ABHD2: variants seen among roughly 807,000 people sequenced by gnomAD.
The protein encoded by ABHD2 is abhydrolase domain containing 2, acylglycerol lipase.
Under a neutral mutation model 48.1 loss-of-function variants are expected in ABHD2, and 20 were observed. That is an observed-to-expected ratio of 0.42 (90% CI 0.29 to 0.60). The LOEUF is 0.60. ABHD2 is among the 20% of genes least tolerant of loss of function. ABHD2 has a pLI of 0.24. For synonymous variants in ABHD2, 209 were observed against 214.2 expected (o/e 0.98, Z 0.21); for missense variants, 405 against 550.9 (o/e 0.74, Z 2.65).
At position 89,173,855 on chromosome 15, in the gene ABHD2, G is replaced by A. The variant is rs994974981; in HGVS notation, c.539-1957G>A. Among the ~76,000 whole-genome samples the A allele has an allele frequency of 2.0e-5, 3 of 152,204 alleles. No individual in the cohort carries two copies. Among genetic ancestry groups the A allele is most frequent in the African/African-American group, 7.2e-5 (3 of 41,444 alleles). On this transcript the variant is annotated intron_variant, in intron 5 of 10. Transcript: ENST00000352732. This position sits in a 1 kb window ranked among gnomAD's most constrained non-coding sequence, Gnocchi z 6.5. ...ATCTCACTGGAGAGGGAGACGGGCT[G>A]CCTTCTCAAAGTTGGTGCCTGGGTC... is the stretch of plus-strand genomic sequence containing the variant.
the ABHD2 span, among the ~76,000 whole-genome samples, chr15:89,057,577 A>G: frequency 6.6e-6 from 1 of 152,102 alleles, no homozygotes; most frequent in African/African-American, 2.4e-5. Flanking sequence ...CTTCTTGTTT[A>G]GCCATGGTCG....
chr15:89,084,018 G>A (rs1567060300), upstream of ABHD2, among the ~76,000 whole-genome samples: 1 of 152,066 alleles, frequency 6.6e-6, no homozygotes, highest in Non-Finnish European at 1.5e-5. This position sits in a 1 kb window ranked among gnomAD's most constrained non-coding sequence, Gnocchi z 4.4. Flanking sequence ...CATGACTGCA[G>A]GAATACTTTA....
intron 4 of ABHD2, among the ~76,000 whole-genome samples, chr15:89,152,750 T>G (rs140169692): frequency 6.6e-6 from 1 of 152,182 alleles, no homozygotes; most frequent in Admixed American, 6.5e-5. Context: ...TTCTGAGAGA[T>G]AACTGAAATT....
intron 3 of ABHD2, among the ~76,000 whole-genome samples, chr15:89,124,604 G>A (rs2050103551): frequency 6.6e-6 from 1 of 152,092 alleles, no homozygotes. Context: ...CTTTTCACAG[G>A]ATAAATTCCT....
intron 1 of ABHD2, among the ~76,000 whole-genome samples, chr15:89,089,228 C>T (rs1271725264): frequency 6.6e-6 from 1 of 152,250 alleles, no homozygotes; most frequent in African/African-American, 2.4e-5. Context: ...TGACAGCCAC[C>T]TGTGTCGGAT....
At position 89,175,722 on chromosome 15, in the gene ABHD2, C is replaced by A; in HGVS notation, c.539-90C>A. 1 of 1,367,758 alleles carries A rather than the reference C, an allele frequency of 7.3e-7. No homozygotes were observed. The highest frequency in any genetic ancestry group is 1.0e-6 in the Non-Finnish European group (1 of 963,878). 84.7% of individuals were successfully genotyped at this position (1,367,758 alleles called of 1,614,324 possible). ...ATATATTTCTCTCTCTTTTAGTATA[C>A]TGGCACCCATTTAGTAACGTTCCAG... On this transcript the variant is annotated intron_variant, in intron 5 of 10. Coordinates refer to ENST00000352732, the MANE Select transcript of ABHD2 (RefSeq NM_152924.5). The surrounding 1 kb of genome is among the most constrained non-coding windows in gnomAD (Gnocchi z 5.7).
chr15:89,151,775 G>A lies in ABHD2; in HGVS notation c.293G>A (p.Arg98Gln), dbSNP rs1348974124. Residue 98 changes from arginine (R) to glutamine (Q), a missense_variant, in exon 4 of 11, where the codon CGG (arginine) becomes CAG (glutamine). Coordinates refer to ENST00000352732, the MANE Select transcript of ABHD2 (RefSeq NM_152924.5). This position sits in a 1 kb window ranked among gnomAD's most constrained non-coding sequence, Gnocchi z 4.7. ...RVRSPHPYGH[R>Q]KFITMSDGAT... ...AGGTCGCCACATCCTTATGGGCACC[G>A]GAAGTTCATCACTATGTCTGATGGA... The A allele has an allele frequency of 1.1e-5, 18 of 1,614,090 alleles. No individual in the cohort carries two copies. Among genetic ancestry groups the A allele is most frequent in the Non-Finnish European group, 1.4e-5 (17 of 1,180,044 alleles).
rs572413154 is a variant in ABHD2 at position 89,182,940 on chromosome 15, T to G, written c.723-2484T>G. The stretch of plus-strand genomic sequence containing the variant: ...GTAGCCACTACCAGCTCCAATAACA[T>G]GAATTCATACCCCCATCTTGTTTCC... On this transcript the variant is annotated intron_variant, in intron 6 of 10. Coordinates refer to ENST00000352732, the MANE Select transcript of ABHD2 (RefSeq NM_152924.5). The surrounding 1 kb of genome is among the most constrained non-coding windows in gnomAD (Gnocchi z 4.8). 6.6e-6 allele frequency among the ~76,000 whole-genome samples: 1 copy of G among 152,290 alleles called. No individual in the cohort carries two copies. The highest frequency in any genetic ancestry group is 1.9e-4 in the East Asian group (1 of 5,174).
Position 89,100,608 on chromosome 15 carries a change from G to A in ABHD2, c.-107+12045G>A, listed in dbSNP as rs1473755915. On this transcript the variant is annotated intron_variant, in intron 1 of 10. Coordinates refer to ENST00000352732, the MANE Select transcript of ABHD2 (RefSeq NM_152924.5). The surrounding 1 kb of genome is among the most constrained non-coding windows in gnomAD (Gnocchi z 4.4). ...TTATTGGCCAGGCAAAGTGGCTCACGCCTGTAATCCCAGCACTTTCGGAGG... is the reference window on the plus strand; with the variant it reads ...TTATTGGCCAGGCAAAGTGGCTCACACCTGTAATCCCAGCACTTTCGGAGG... 5.3e-5 allele frequency among the ~76,000 whole-genome samples: 8 copies of A among 152,104 alleles called. No homozygotes were observed. Among genetic ancestry groups the A allele is most frequent in the African/African-American group, 1.9e-4 (8 of 41,402 alleles).
At chr15:89,075,036 A>G in the ABHD2 span, among the ~76,000 whole-genome samples, 1 of 152,166 alleles carries the variant, frequency 6.6e-6, no homozygotes, top group Non-Finnish European at 1.5e-5. The surrounding 1 kb of genome is among the most constrained non-coding windows in gnomAD (Gnocchi z 4.1). Context: ...AAAGTGTTTG[A>G]ATGGCCAAAC....
chr15:89,102,199 C>T lies in ABHD2; in HGVS notation c.-106-11526C>T, dbSNP rs2049712093. Among the ~76,000 whole-genome samples, 1 of 152,232 alleles carries T rather than the reference C, an allele frequency of 6.6e-6. No individual in the cohort carries two copies. The highest frequency in any genetic ancestry group is 6.5e-5 in the Admixed American group (1 of 15,276). On this transcript the variant is annotated intron_variant, in intron 1 of 10. Transcript: ENST00000352732. This position sits in a 1 kb window ranked among gnomAD's most constrained non-coding sequence, Gnocchi z 4.8. ...TGCATCCACCCCTCCTTCTCACCTT[C>T]TCTTCTATTCCATCTCTTCCAGTGG...
At position 89,201,075 on chromosome 15, in the gene ABHD2, T is replaced by C; in HGVS notation, c.*5652T>C. The C allele has an allele frequency of 2.4e-6, 2 of 846,340 alleles. No homozygotes were observed. The highest frequency in any genetic ancestry group is 4.0e-6 in the Non-Finnish European group (2 of 493,976). 52.4% of individuals were successfully genotyped at this position (846,340 alleles called of 1,614,324 possible). A position where few individuals can be genotyped will look rare whatever the true frequency, so the allele number is the denominator to read the frequency against. ...CCAGCCTGGGCAACAAGAGTGAGAC[T>C]CCGTCTCCAAAAAAAGAAAAGGAAT... On this transcript the variant is annotated 3_prime_UTR_variant, in exon 11 of 11. Transcript: ENST00000352732.
At chr15:89,139,018 C>G (rs1567086098) in intron 3 of ABHD2, among the ~76,000 whole-genome samples, 10 of 152,036 alleles carry the variant, frequency 6.6e-5, no homozygotes, top group African/African-American at 1.9e-4. Flanking sequence ...GAGATCAAGA[C>G]CAGCCCTGGC....
chr15:89,135,541 A>G (rs1290320497), intron 3 of ABHD2: 7 of 1,394,926 alleles, frequency 5.0e-6, no homozygotes, highest in East Asian at 2.3e-5. Context: ...ACTAGAACCA[A>G]CTTATTCATC....
In ABHD2 at chr15:89,179,781, AATCTCCTTAAAGGCACAT is replaced by A. The variant is rs1219438341; in HGVS notation, c.722+3787_722+3804del. Among the ~76,000 whole-genome samples, 16 of 152,176 alleles carry A rather than the reference AATCTCCTTAAAGGCACAT, an allele frequency of 1.1e-4. No homozygotes were observed. Among genetic ancestry groups the A allele is most frequent in the Non-Finnish European group, 1.6e-4 (11 of 68,028 alleles). ...GGGGAATTATCAGAGGAGTGTTTCA[AATCTCCTTAAAGGCACAT>A]TATACTCCGGGCTAAGTGGATGTGT... On this transcript the variant is annotated intron_variant, in intron 6 of 10. Transcript: ENST00000352732. This position sits in a 1 kb window ranked among gnomAD's most constrained non-coding sequence, Gnocchi z 4.3.
In ABHD2 at chr15:89,146,352, G is replaced by T. The variant is rs4932475; in HGVS notation, c.195-5325G>T. Among the ~76,000 whole-genome samples, 15,150 of 116,646 alleles carry T rather than the reference G, an allele frequency of 0.13. 882 individuals carry two copies. The highest frequency in any genetic ancestry group is 0.22 in the South Asian group (802 of 3,602). 76.5% of individuals were successfully genotyped at this position (116,646 alleles called of 152,430 possible). On this transcript the variant is annotated intron_variant, in intron 3 of 10. Coordinates refer to ENST00000352732, the MANE Select transcript of ABHD2 (RefSeq NM_152924.5). This position sits in a 1 kb window ranked among gnomAD's most constrained non-coding sequence, Gnocchi z 4.2. The stretch of plus-strand genomic sequence containing the variant: ...ATGTGAGCTTCATCTGCTCAAAGAC[G>T]TACGTGTGTGTGTGTGTGTGTGTGT...
In ABHD2 at chr15:89,139,517, A is replaced by C. The variant is rs75057621; in HGVS notation, c.195-12160A>C. 2.4e-4 allele frequency among the ~76,000 whole-genome samples: 37 copies of C among 152,292 alleles called. No individual in the cohort carries two copies. The Middle Eastern group carries it at 0.02, about 84-fold the overall frequency. Reference sequence around the variant, plus strand: ...TCCGGCTCTAATCTCTGTATGCCTCACAGCACTCGTATTTGTTGAATTTTA... The same window carrying C: ...TCCGGCTCTAATCTCTGTATGCCTCCCAGCACTCGTATTTGTTGAATTTTA... On this transcript the variant is annotated intron_variant, in intron 3 of 10. Coordinates refer to ENST00000352732, the MANE Select transcript of ABHD2 (RefSeq NM_152924.5).
chr15:89,147,874 C>T (rs574842917), intron 3 of ABHD2, among the ~76,000 whole-genome samples: 4 of 150,966 alleles, frequency 2.6e-5, no homozygotes, highest in South Asian at 4.2e-4. Context: ...TTTGGGAGGC[C>T]GAGAGGCTGA....
chr15:89,086,521 C>T (rs1258335232), upstream of ABHD2, among the ~76,000 whole-genome samples: 1 of 151,982 alleles, frequency 6.6e-6, no homozygotes, highest in Non-Finnish European at 1.5e-5. Context: ...CTCAAACAAC[C>T]CTCCTGCCTC....
Sources: allele counts gnomAD v4.1 joint callset (sites outside exome capture counted in the v4.1 genomes callset), GRCh38; gene constraint gnomAD v4.1.1; non-coding constraint Gnocchi (gnomAD v3.1); transcripts MANE v1.5; gene names NCBI Gene and HGNC (gene_info 2026-07-23, HGNC 2026-07-21).